RAF1: variants seen among roughly 807,000 people sequenced by gnomAD.
The protein encoded by RAF1 is Raf-1 proto-oncogene, serine/threonine kinase.
Under a neutral mutation model 81.1 loss-of-function variants are expected in RAF1, and 27 were observed. The observed-to-expected ratio is 0.33, with a 90% CI of 0.25 to 0.46. The LOEUF is 0.46. RAF1 is among the 20% of genes least tolerant of loss of function. The pLI is 1.00. For synonymous variants in RAF1, 298 were observed against 294.0 expected (o/e 1.01, Z -0.14); for missense variants, 598 against 826.0 (o/e 0.72, Z 3.38).
chr3:12,647,014 C>T (rs75133077), intron 1 of RAF1, among the ~76,000 whole-genome samples: 31,808 of 149,370 alleles, frequency 0.21, 3,600 homozygotes, highest in African/African-American at 0.29. Context: ...TCTTCATTAC[C>T]GGCCAGGCGT....
intron 1 of RAF1, among the ~76,000 whole-genome samples, chr3:12,655,306 G>C (rs1424378525): frequency 6.6e-6 from 1 of 152,032 alleles, no homozygotes; most frequent in Non-Finnish European, 1.5e-5. Flanking sequence ...GGCTGGTCTC[G>C]AACTCCTGAC....
At chr3:12,606,179 A>G in intron 6 of RAF1, 22 bp downstream of exon 6, 1 of 1,583,110 alleles carries the variant, frequency 6.3e-7, no homozygotes. Flanking sequence ...TTCTAAAAGA[A>G]AAGCTATAGG....
intron 2 of RAF1, 29 bp from the exon 3 acceptor site, chr3:12,612,091 A>C: frequency 1.3e-6 from 2 of 1,565,914 alleles, no homozygotes; most frequent in Non-Finnish European, 1.8e-6. Context: ...CTTTAGGACC[A>C]ACACAGGCTG....
At chr3:12,605,255 T>A (rs1353838109) in intron 6 of RAF1, among the ~76,000 whole-genome samples, 1 of 148,534 alleles carries the variant, frequency 6.7e-6, no homozygotes, top group African/African-American at 2.6e-5. Context: ...ACATTATGTG[T>A]GTGTGTGTGT....
Position 12,587,574 on chromosome 3 carries a change from C to G in RAF1, c.1477+17G>C, listed in dbSNP as rs1468825291. 1 of 1,602,328 alleles carries G rather than the reference C, an allele frequency of 6.2e-7. No individual in the cohort carries two copies. The highest frequency in any genetic ancestry group is 1.1e-5 in the South Asian group (1 of 90,828). ...TTAGAACCGAGCAGTCAAATGAACT[C>G]AACAACCAAAGGATACTGTTGGATT... On this transcript the variant is annotated intron_variant, in intron 14 of 17. Coordinates refer to ENST00000442415, the MANE Select transcript of RAF1 (RefSeq NM_001354689.3).
At chr3:12,651,111 A>G (rs2060509660) in intron 1 of RAF1, among the ~76,000 whole-genome samples, 1 of 152,216 alleles carries the variant, frequency 6.6e-6, no homozygotes, top group African/African-American at 2.4e-5. Context: ...AAAGGCACTC[A>G]TTATAAATAG....
Position 12,600,214 on chromosome 3 carries a change from T to C in RAF1, c.988A>G (p.Thr330Ala), listed in dbSNP as rs778155315. Residue 330 changes from threonine (T) to alanine (A), a missense_variant, in exon 10 of 18, where the codon ACC (threonine) becomes GCC (alanine). Physicochemically the swap from Thr to Ala is moderately conservative, Grantham distance 58. Transcript: ENST00000442415. ...CGCTCTCTTTGTGCTGGCACGGGGG[T>C]TTTCGGCTGTGACCAGCCTGTTGGG... 5 of 1,614,008 alleles carry C rather than the reference T, an allele frequency of 3.1e-6. No homozygotes were observed. The highest frequency in any genetic ancestry group is 3.3e-5 in the Admixed American group (2 of 59,982).
intron 1 of RAF1, among the ~76,000 whole-genome samples, chr3:12,652,397 T>C (rs1575674132): frequency 6.6e-6 from 1 of 151,434 alleles, no homozygotes; most frequent in African/African-American, 2.4e-5. Flanking sequence ...GGCCGGTGCC[T>C]GTAATCCCAG....
intron 13 of RAF1, 57 bp downstream of exon 12, chr3:12,590,741 A>G (rs2058487137): frequency 3.2e-6 from 5 of 1,541,598 alleles, no homozygotes; most frequent in Non-Finnish European, 4.5e-6. Flanking sequence ...TCCTGGTTCC[A>G]ATTTAGGGAC....
chr3:12,587,399 C>T, intron 14 of RAF1, 192 bp downstream of exon 13: 1 of 673,288 alleles, frequency 1.5e-6, no homozygotes, highest in South Asian at 1.7e-5. Flanking sequence ...CTCATCAGTC[C>T]AGGTGAGGCA....
At chr3:12,600,056 G>T in intron 10 of RAF1, 96 bp downstream of exon 9, 1 of 1,554,994 alleles carries the variant, frequency 6.4e-7, no homozygotes, top group Admixed American at 1.7e-5. Flanking sequence ...TATTTTATTA[G>T]AATCTTCTCC....
chr3:12,663,636 A>G (rs2060954686), intron 1 of RAF1, among the ~76,000 whole-genome samples, 177 bp downstream of exon 1: 1 of 134,574 alleles, frequency 7.4e-6, no homozygotes, highest in Admixed American at 7.7e-5. Flanking sequence ...ATGACACCGG[A>G]CTCCGGGGCC....
chr3:12,642,837 T>C (rs1296092778), intron 1 of RAF1, among the ~76,000 whole-genome samples: 2 of 149,718 alleles, frequency 1.3e-5, no homozygotes, highest in East Asian at 2.0e-4. Flanking sequence ...CAGAGAGCCA[T>C]GATCACGTCA....
In RAF1 at chr3:12,604,296, G is replaced by T; in HGVS notation, c.681-7C>A. The T allele has an allele frequency of 1.9e-6, 3 of 1,613,480 alleles. No individual in the cohort carries two copies. The highest frequency in any genetic ancestry group is 2.5e-6 in the Non-Finnish European group (3 of 1,179,706). On this transcript the variant is annotated splice_region_variant and splice_polypyrimidine_tract_variant and intron_variant, in intron 6 of 17. Coordinates refer to ENST00000442415, the MANE Select transcript of RAF1 (RefSeq NM_001354689.3). ...AGAATATCTGTGCTGAGAACTAGGA[G>T]GAGAAAGAAAATTCCATGATTGGCA...
chr3:12,647,672 A>T (rs1011000381), intron 1 of RAF1, among the ~76,000 whole-genome samples: 2 of 152,228 alleles, frequency 1.3e-5, no homozygotes, highest in Non-Finnish European at 2.9e-5. Flanking sequence ...ACTTTCACAC[A>T]TAAAAAGTTT....
At chr3:12,625,437 A>G (rs1162588676) in intron 1 of RAF1, among the ~76,000 whole-genome samples, 1 of 152,196 alleles carries the variant, frequency 6.6e-6, no homozygotes, top group Non-Finnish European at 1.5e-5. Flanking sequence ...GAAGTATTCT[A>G]CTCTCACAGT....
intron 1 of RAF1, among the ~76,000 whole-genome samples, chr3:12,641,580 C>T (rs2060188758): frequency 6.6e-6 from 1 of 151,162 alleles, no homozygotes; most frequent in African/African-American, 2.4e-5. Context: ...CAACCTCTGC[C>T]TCCCAGGTTC....
chr3:12,645,420 G>A (rs2060316272), intron 1 of RAF1, among the ~76,000 whole-genome samples: 1 of 152,036 alleles, frequency 6.6e-6, no homozygotes, highest in Admixed American at 6.6e-5. Flanking sequence ...AAGGTTTAGT[G>A]ACAATTTAAG....
intron 1 of RAF1, among the ~76,000 whole-genome samples, chr3:12,657,797 C>T (rs1333754069): frequency 1.3e-5 from 2 of 151,228 alleles, no homozygotes; most frequent in South Asian, 2.1e-4. Context: ...AATAAAATGG[C>T]TTTTATTATA....
Sources: gnomAD v4.1 joint callset for allele counts (sites outside exome capture counted in the v4.1 genomes callset) on GRCh38, gnomAD v4.1.1 for gene constraint, MANE v1.5 for transcripts, NCBI Gene and HGNC (gene_info 2026-07-23, HGNC 2026-07-21) for gene names.